The following HDAC5 variants were observed in gnomAD, a reference collection of about 807,000 sequenced individuals.
HDAC5 encodes antigen NY-CO-9.
A neutral mutation model predicts 133.3 loss-of-function variants in HDAC5; 25 were observed. The observed-to-expected ratio is 0.19, with a 90% confidence interval of 0.14 to 0.26. The LOEUF is 0.26. HDAC5 is among the 10% of genes least tolerant of loss of function. The pLI, the probability that HDAC5 is intolerant of heterozygous loss-of-function variation, is 1.00. For missense variants in HDAC5, 1,041 were observed against 1,460.5 expected, an observed-to-expected ratio of 0.71 and a Z score of 4.68; for synonymous variants, 589 against 610.8, an observed-to-expected ratio of 0.96 and a Z score of 0.53.
At chr17:44,093,001 G>T in intron 6 of HDAC5, 91 bp downstream of exon 6, 1 of 894,436 alleles carries the variant, frequency 1.1e-6, no homozygotes, top group Non-Finnish European at 1.7e-6. Flanking sequence ...GCCCGTATAT[G>T]GGCACGGGGA....
intron 3 of HDAC5, among the ~76,000 whole-genome samples, chr17:44,103,811 C>T (rs1394258529): frequency 2.6e-5 from 4 of 151,656 alleles, no homozygotes; most frequent in African/African-American, 9.7e-5. Context: ...CAAGTTCAAG[C>T]GATTCTCCTG....
At chr17:44,121,533 G>A (rs1165469610) in intron 1 of HDAC5, among the ~76,000 whole-genome samples, 1 of 150,924 alleles carries the variant, frequency 6.6e-6, no homozygotes, top group African/African-American at 2.4e-5. Context: ...ATGTGAGTAG[G>A]AAGAATTAAT....
At chr17:44,086,421 C>T in intron 14 of HDAC5, 151 bp downstream of exon 14, 1 of 537,512 alleles carries the variant, frequency 1.9e-6, no homozygotes, top group Non-Finnish European at 2.9e-6. Context: ...ATGAACAGCT[C>T]TGGGGTACAG....
chr17:44,122,839 G>C (rs892584973), intron 1 of HDAC5, among the ~76,000 whole-genome samples: 1 of 152,168 alleles, frequency 6.6e-6, no homozygotes, highest in Non-Finnish European at 1.5e-5. Context: ...AAGGGGTTGG[G>C]GGGGAGCTCC....
At chr17:44,082,494 G>C in intron 20 of HDAC5, 91 bp downstream of exon 20, 2 of 1,017,572 alleles carry the variant, frequency 2.0e-6, no homozygotes, top group Non-Finnish European at 3.1e-6. Context: ...TGGGGTGCTT[G>C]AAGGTGGGGC....
chr17:44,123,550 G>C lies in HDAC5; in HGVS notation c.-236C>G, dbSNP rs1449469748. 1.0e-5 allele frequency: 4 copies of C among 400,564 alleles called. No homozygotes were observed. The highest frequency in any genetic ancestry group is 4.1e-5 in the African/African-American group (2 of 48,328). 24.8% of individuals were successfully genotyped at this position (400,564 alleles called of 1,614,324 possible). On this transcript the variant is annotated 5_prime_UTR_variant, in exon 1 of 27. Transcript: ENST00000682912. Reference sequence around the variant, plus strand: ...CTTCGCGGGCGGCGGCGGCAGCAGCGGCGGCGGCAGCGGCGGCAGCACCTC... The same window carrying C: ...CTTCGCGGGCGGCGGCGGCAGCAGCCGCGGCGGCAGCGGCGGCAGCACCTC...
At chr17:44,105,840 C>T (rs1439844543) in intron 3 of HDAC5, among the ~76,000 whole-genome samples, 1 of 152,204 alleles carries the variant, frequency 6.6e-6, no homozygotes, top group Non-Finnish European at 1.5e-5. Flanking sequence ...CTGCTGGGCC[C>T]TGTGACCCAT....
chr17:44,106,741 C>T (rs1032477072), intron 3 of HDAC5, among the ~76,000 whole-genome samples: 3 of 151,966 alleles, frequency 2.0e-5, no homozygotes, highest in African/African-American at 7.3e-5. Context: ...CAGGCATGCA[C>T]CACGTCGGCT....
chr17:44,094,183 C>T (rs959905460), intron 3 of HDAC5, among the ~76,000 whole-genome samples: 7 of 151,972 alleles, frequency 4.6e-5, no homozygotes, highest in East Asian at 1.9e-4. Flanking sequence ...ATTATTTGGG[C>T]GTGATGGTGC....
At chr17:44,122,027 GAA>G (rs1181996128) in intron 1 of HDAC5, among the ~76,000 whole-genome samples, 2 of 152,108 alleles carry the variant, frequency 1.3e-5, no homozygotes, top group Non-Finnish European at 2.9e-5. Flanking sequence ...GAGGAGTCAA[GAA>G]AAGAGGAAGG....
chr17:44,088,513 C>T lies in HDAC5; in HGVS notation c.1473G>A (p.Arg491=). ...MRTVGKLPRH[R]PLSRTQSSPL... Reference sequence around the variant, plus strand: ...GTGAGGACTGAGTGCGGCTCAGGGGCCGATGCCGCGGGAGCTTGCCTACCG... The same window carrying T: ...GTGAGGACTGAGTGCGGCTCAGGGGTCGATGCCGCGGGAGCTTGCCTACCG... The change falls in exon 12 of 27, where the codon CGG becomes CGA. Residue 491 remains arginine (R), a synonymous_variant. Coordinates refer to ENST00000682912, the MANE Select transcript of HDAC5 (RefSeq NM_005474.5). 2 of 1,613,226 alleles carry T rather than the reference C, an allele frequency of 1.2e-6. No homozygotes were observed. Among genetic ancestry groups the T allele is most frequent in the Non-Finnish European group, 1.7e-6 (2 of 1,179,916 alleles).
rs2050181236 is a variant in HDAC5, at chr17:44,077,711, G to C, written c.*665C>G. The C allele has an allele frequency of 6.6e-6, 1 of 152,370 alleles. No individual in the cohort carries two copies. The highest frequency in any genetic ancestry group is 1.5e-5 in the Non-Finnish European group (1 of 68,160). The allele number at this position is 152,370 out of a possible 1,614,324, so 9.4% of individuals were successfully genotyped here. On this transcript the variant is annotated 3_prime_UTR_variant, in exon 27 of 27. Coordinates refer to ENST00000682912, the MANE Select transcript of HDAC5 (RefSeq NM_005474.5). ...CTTTCACCCTCTCAGCCCCGGGGAA[G>C]GGGAAGTAGGCTGTGAGGAGTGTGA...
At position 44,092,716 on chromosome 17, in the gene HDAC5, C is replaced by T. The variant is rs1210037075; in HGVS notation, c.732G>A (p.Gly244=). ...TPPSYKLPLP[G]PYDSRDDFPL... is the part of the protein sequence containing the mutation. ...GGAAGTCGTCTCGACTGTCGTAGGG[C>T]CCAGGCAAAGGCAGTTTGTAGGAGG... Residue 244 remains glycine, a synonymous_variant, in exon 7 of 27, where the codon GGG becomes GGA. Transcript: ENST00000682912. 1 of 1,503,728 alleles carries T rather than the reference C, an allele frequency of 6.7e-7. No individual in the cohort carries two copies. The allele number at this position is 1,503,728 out of a possible 1,614,324, so 93.1% of individuals were successfully genotyped here.
At chr17:44,107,259 T>C (rs1440277855) in intron 3 of HDAC5, among the ~76,000 whole-genome samples, 1 of 152,130 alleles carries the variant, frequency 6.6e-6, no homozygotes, top group African/African-American at 2.4e-5. Flanking sequence ...GTAAGTTCCT[T>C]AACCTCTCTG....
At chr17:44,091,601 C>A in intron 10 of HDAC5, 99 bp downstream of exon 10, 1 of 1,495,734 alleles carries the variant, frequency 6.7e-7, no homozygotes, top group Admixed American at 2.3e-5. Flanking sequence ...GCCAACAGAT[C>A]TCCCTTAGGG....
rs1174331752 is a variant in HDAC5 at position 44,089,741 on chromosome 17, TC to T, written c.1388-1144del. Among the ~76,000 whole-genome samples, 8 of 83,776 alleles carry T rather than the reference TC, an allele frequency of 9.5e-5. No homozygotes were observed. In the Admixed American group the frequency reaches 1.4e-3, roughly 15 times the overall value. 55.0% of individuals were successfully genotyped at this position (83,776 alleles called of 152,430 possible). A position where few individuals can be genotyped will look rare whatever the true frequency, so the allele number is the denominator to read the frequency against. ...CAGCCTGGGCAACAAGAGTGAAACT[TC>T]GTCTCAAAAAAAAAAAAAAAAAAAA... On this transcript the variant is annotated intron_variant, in intron 11 of 26. Transcript: ENST00000682912.
At position 44,123,608 on chromosome 17, in the gene HDAC5, T is replaced by C. The variant is rs2053148220; in HGVS notation, c.-294A>G. On this transcript the variant is annotated 5_prime_UTR_variant, in exon 1 of 27. Transcript: ENST00000682912. ...GCTCCTCCATCTTTGCGGCGGCTCC[T>C]CCGGCTCCGCTCGCCGCCGCCACCA... 4 of 396,510 alleles carry C rather than the reference T, an allele frequency of 1.0e-5. No individual in the cohort carries two copies. The South Asian group carries it at 5.1e-4, about 50-fold the overall frequency. 24.6% of individuals were successfully genotyped at this position (396,510 alleles called of 1,614,324 possible).
intron 1 of HDAC5, 109 bp downstream of exon 1, chr17:44,123,395 G>T: frequency 2.9e-6 from 1 of 342,738 alleles, no homozygotes; most frequent in Non-Finnish European, 5.3e-6. Context: ...GGCGCGGAGC[G>T]CGGCGCGCGC....
intron 2 of HDAC5, chr17:44,111,074 G>A (rs1238795744): frequency 2.0e-6 from 1 of 494,142 alleles, no homozygotes; most frequent in South Asian, 2.0e-5. Flanking sequence ...TGCTCTAGAG[G>A]GGCATCCGAC....
Sources: allele counts gnomAD v4.1 joint callset (sites outside exome capture counted in the v4.1 genomes callset), GRCh38; gene constraint gnomAD v4.1.1; transcripts MANE v1.5; gene names NCBI Gene and HGNC (gene_info 2026-07-23, HGNC 2026-07-21).